RALGAPA2: variants seen among roughly 807,000 people sequenced by gnomAD.
RALGAPA2 encodes the protein ral GTPase-activating protein subunit alpha-2.
RALGAPA2 carries 139 observed loss-of-function variants against 230.4 expected under a neutral mutation model. The ratio of observed to expected loss-of-function variants is 0.60; its 90% CI spans 0.53 to 0.69. The LOEUF (loss-of-function observed/expected upper bound fraction) is 0.69. RALGAPA2 is among the 30% of genes least tolerant of loss of function. RALGAPA2 has a pLI of 0.00. For missense variants in RALGAPA2, 2,163 were observed against 2,276.0 expected, an observed-to-expected ratio of 0.95 and a Z score of 1.01; for synonymous variants, 847 against 837.8, an observed-to-expected ratio of 1.01 and a Z score of -0.19.
At chr20:20,458,856 C>CTATATATATATATAGACCTATA (rs2061229643) in intron 37 of RALGAPA2, among the ~76,000 whole-genome samples, 36 of 88,206 alleles carry the variant, frequency 4.1e-4, no homozygotes, top group African/African-American at 1.6e-3. Context: ...ATATATAGAC[C>CTATATATATATATAGACCTATA]TATATATATA....
intron 37 of RALGAPA2, among the ~76,000 whole-genome samples, chr20:20,466,368 T>C (rs1264779324): frequency 6.6e-6 from 1 of 152,250 alleles, no homozygotes; most frequent in Non-Finnish European, 1.5e-5. Flanking sequence ...GGATTTGGTG[T>C]GCTGGCAGCT....
intron 33 of RALGAPA2, among the ~76,000 whole-genome samples, chr20:20,506,519 T>A (rs2123713469): frequency 6.6e-6 from 1 of 152,268 alleles, no homozygotes; most frequent in Admixed American, 6.5e-5. Flanking sequence ...AATCATTCAT[T>A]CCCTAGCCCA....
intron 24 of RALGAPA2, among the ~76,000 whole-genome samples, chr20:20,542,294 T>C (rs1237951794): frequency 3.3e-5 from 5 of 152,188 alleles, no homozygotes; most frequent in African/African-American, 9.7e-5. Flanking sequence ...TCCATGCTCA[T>C]GGATAGGAAG....
At chr20:20,506,123 C>T (rs938876637) in intron 33 of RALGAPA2, among the ~76,000 whole-genome samples, 1 of 152,052 alleles carries the variant, frequency 6.6e-6, no homozygotes, top group African/African-American at 2.4e-5. Flanking sequence ...AACTTCTGTA[C>T]TCTGACTATT....
chr20:20,608,059 C>G lies in RALGAPA2; in HGVS notation c.1801-2647G>C, dbSNP rs148209256. Among the ~76,000 whole-genome samples, 7 of 152,252 alleles carry G rather than the reference C, an allele frequency of 4.6e-5. No homozygotes were observed. The East Asian group carries it at 1.3e-3, about 29-fold the overall frequency. On this transcript the variant is annotated intron_variant, in intron 14 of 39. Transcript: ENST00000202677. ...TTGTGACCTAGGAAAGTCACTTGGC[C>G]TTTCTGTAGTCACATTTCTCATTAA...
intron 4 of RALGAPA2, among the ~76,000 whole-genome samples, chr20:20,645,168 G>A (rs2067168100): frequency 7.4e-6 from 1 of 135,912 alleles, no homozygotes; most frequent in Non-Finnish European, 1.5e-5. Context: ...AGGCTGGAGT[G>A]CAGTGGTACG....
chr20:20,642,352 A>C (rs1214923105), intron 5 of RALGAPA2, among the ~76,000 whole-genome samples: 1 of 151,996 alleles, frequency 6.6e-6, no homozygotes, highest in Non-Finnish European at 1.5e-5. Context: ...CTGAGACTAT[A>C]GGCGTATGCC....
At chr20:20,592,441 A>T (rs1170435126) in intron 16 of RALGAPA2, among the ~76,000 whole-genome samples, 4 of 151,888 alleles carry the variant, frequency 2.6e-5, no homozygotes, top group Non-Finnish European at 5.9e-5. Context: ...CTGCTCCCTC[A>T]TCCCTCCTTA....
rs75232891 is a variant in RALGAPA2 at position 20,598,701 on chromosome 20, A to G, written c.2203+2981T>C. ...TACCTGACAGCCTGTGAGAGCAAGA[A>G]GAGTAAGAGAGACCAGGTAAGAGAG... On this transcript the variant is annotated intron_variant, in intron 16 of 39. Coordinates refer to ENST00000202677, the MANE Select transcript of RALGAPA2 (RefSeq NM_020343.4). 1.1e-3 allele frequency: 513 copies of G among 456,266 alleles called. 1 individual carries two copies. Among genetic ancestry groups the G allele is most frequent in the African/African-American group, 9.3e-3 (464 of 50,100 alleles). The allele number at this position is 456,266 out of a possible 1,614,324, so 28.3% of individuals were successfully genotyped here. A position where few individuals can be genotyped will look rare whatever the true frequency, so the allele number is the denominator to read the frequency against.
At chr20:20,530,565 G>A (rs537737045) in intron 27 of RALGAPA2, among the ~76,000 whole-genome samples, 18 of 152,254 alleles carry the variant, frequency 1.2e-4, no homozygotes, top group Admixed American at 2.6e-4. Context: ...TCATCCTATG[G>A]GCAGAAGCAG....
intron 38 of RALGAPA2, among the ~76,000 whole-genome samples, chr20:20,405,184 T>C (rs757865219): frequency 6.6e-6 from 1 of 152,194 alleles, no homozygotes; most frequent in South Asian, 2.1e-4. Context: ...AATGGCATGG[T>C]CCATCTCAGG....
At chr20:20,417,142 G>A (rs574509022) in intron 37 of RALGAPA2, among the ~76,000 whole-genome samples, 23 of 152,324 alleles carry the variant, frequency 1.5e-4, no homozygotes, top group African/African-American at 5.3e-4. Context: ...TGGCGCCCCC[G>A]AGTTCTGCTG....
chr20:20,527,989 A>T (rs1023713834), intron 27 of RALGAPA2, among the ~76,000 whole-genome samples: 1 of 152,180 alleles, frequency 6.6e-6, no homozygotes, highest in Non-Finnish European at 1.5e-5. Flanking sequence ...GGCAGACAGG[A>T]GTGGGACATG....
intron 9 of RALGAPA2, 82 bp from the exon 10 acceptor site, chr20:20,629,672 T>A: frequency 7.1e-7 from 1 of 1,406,694 alleles, no homozygotes; most frequent in Non-Finnish European, 9.9e-7. Context: ...TGCCTTGTTT[T>A]AAGTAACTCT....
chr20:20,619,480 A>T, intron 11 of RALGAPA2, 66 bp from the exon 12 acceptor site: 1 of 1,100,564 alleles, frequency 9.1e-7, no homozygotes, highest in Non-Finnish European at 1.2e-6. Flanking sequence ...TTTAACTATA[A>T]ATATAATTAA....
At chr20:20,574,504 C>T (rs895113941) in intron 20 of RALGAPA2, among the ~76,000 whole-genome samples, 1 of 152,074 alleles carries the variant, frequency 6.6e-6, no homozygotes, top group African/African-American at 2.4e-5. Flanking sequence ...TGAGTAAAGG[C>T]TAGAAGACTG....
intron 1 of RALGAPA2, among the ~76,000 whole-genome samples, chr20:20,695,851 T>C (rs1603251388): frequency 6.6e-6 from 1 of 152,182 alleles, no homozygotes; most frequent in African/African-American, 2.4e-5. Context: ...TGGGTGGATA[T>C]CTGATGTGGA....
intron 31 of RALGAPA2, among the ~76,000 whole-genome samples, chr20:20,514,079 T>C (rs1435042961): frequency 6.6e-6 from 1 of 152,168 alleles, no homozygotes; most frequent in Non-Finnish European, 1.5e-5. Flanking sequence ...AATCCTTTCC[T>C]AGACTGGCAG....
rs1403455499 is a variant in RALGAPA2 at position 20,712,597 on chromosome 20, C to CGCTGCT, written c.-123_-118dup. On this transcript the variant is annotated 5_prime_UTR_variant, in exon 1 of 40. Transcript: ENST00000202677. The surrounding 1 kb of genome is among the most constrained non-coding windows in gnomAD (Gnocchi z 5.5). ...GCGGGCCACTCGCCGCCCCCAGCCCCGCTGCTGCCGCCGCCGCCGCCGCCG... is the reference window on the plus strand; with the variant it reads ...GCGGGCCACTCGCCGCCCCCAGCCCCGCTGCTGCTGCTGCCGCCGCCGCCGCCGCCG... 1,007 of 1,224,386 alleles carry CGCTGCT rather than the reference C, an allele frequency of 8.2e-4. 2 individuals are homozygous for CGCTGCT. Among genetic ancestry groups the CGCTGCT allele is most frequent in the Non-Finnish European group, 9.3e-4 (910 of 978,568 alleles). 75.8% of individuals were successfully genotyped at this position (1,224,386 alleles called of 1,614,324 possible). A position where few individuals can be genotyped will look rare whatever the true frequency, so the allele number is the denominator to read the frequency against.
Sources: gnomAD v4.1 joint callset for allele counts (sites outside exome capture counted in the v4.1 genomes callset) on GRCh38, gnomAD v4.1.1 for gene constraint, Gnocchi (gnomAD v3.1) non-coding constraint, MANE v1.5 for transcripts, NCBI Gene and HGNC (gene_info 2026-07-23, HGNC 2026-07-21) for gene names.